KIAA1217: variants seen among roughly 807,000 people sequenced by gnomAD.
KIAA1217 encodes sickle tail protein homolog.
A neutral mutation model predicts 163.9 loss-of-function variants in KIAA1217; 88 were observed. That is an observed-to-expected ratio of 0.54 (90% confidence interval 0.45 to 0.64). KIAA1217 has a LOEUF of 0.64. Among genes scored for constraint, KIAA1217 ranks in the 30% least tolerant of loss-of-function variants. The pLI, the probability that KIAA1217 is intolerant of heterozygous loss-of-function variation, is 0.00. For missense variants in KIAA1217, 2,372 were observed against 2,475.0 expected, an observed-to-expected ratio of 0.96 and a Z score of 0.88; for synonymous variants, 903 against 923.1, an observed-to-expected ratio of 0.98 and a Z score of 0.39.
At chr10:23,898,547 G>T (rs1841808839) in intron 1 of KIAA1217, among the ~76,000 whole-genome samples, 1 of 151,886 alleles carries the variant, frequency 6.6e-6, no homozygotes, top group South Asian at 2.1e-4. Context: ...ATTATACTTT[G>T]TGTATTCTTC....
intron 1 of KIAA1217, among the ~76,000 whole-genome samples, chr10:23,938,032 G>A (rs1228376940): frequency 1.3e-5 from 2 of 152,174 alleles, no homozygotes; most frequent in African/African-American, 4.8e-5. Context: ...AGTAAAGAAA[G>A]AAGTGAATAC....
chr10:23,827,490 A>T (rs1274236290), intron 1 of KIAA1217, among the ~76,000 whole-genome samples: 1 of 152,178 alleles, frequency 6.6e-6, no homozygotes. Context: ...ATAGATGAAT[A>T]CCCATTCTTA....
intron 3 of KIAA1217, among the ~76,000 whole-genome samples, chr10:24,387,641 AT>A (rs1218139119): frequency 6.6e-6 from 1 of 152,240 alleles, no homozygotes; most frequent in Non-Finnish European, 1.5e-5. Flanking sequence ...ACATGACTGT[AT>A]ATTTAAAAAC....
intron 10 of KIAA1217, among the ~76,000 whole-genome samples, chr10:24,517,270 T>C (rs2070344555): frequency 6.6e-6 from 1 of 152,036 alleles, no homozygotes; most frequent in African/African-American, 2.4e-5. Context: ...GTAGGTTAAC[T>C]GATTGGATGG....
chr10:24,097,549 G>C (rs2062211958), intron 2 of KIAA1217, among the ~76,000 whole-genome samples: 1 of 151,752 alleles, frequency 6.6e-6, no homozygotes, highest in Non-Finnish European at 1.5e-5. Flanking sequence ...TCTCTAGAAA[G>C]AAAAAGAGAG....
intron 2 of KIAA1217, among the ~76,000 whole-genome samples, chr10:24,027,070 C>T (rs1308156388): frequency 2.0e-5 from 3 of 151,788 alleles, no homozygotes; most frequent in Admixed American, 6.6e-5. Flanking sequence ...TAAAAAATAT[C>T]TTTCTGTTAC....
At chr10:24,198,281 T>C (rs1267436570) in intron 2 of KIAA1217, among the ~76,000 whole-genome samples, 1 of 152,216 alleles carries the variant, frequency 6.6e-6, no homozygotes, top group Non-Finnish European at 1.5e-5. Flanking sequence ...AGGATTTCAT[T>C]AATCGGATTC....
intron 2 of KIAA1217, among the ~76,000 whole-genome samples, chr10:24,264,020 G>A (rs1223952898): frequency 6.6e-6 from 1 of 152,034 alleles, no homozygotes; most frequent in Non-Finnish European, 1.5e-5. Context: ...ACCACACCAA[G>A]CTATTTTTTG....
chr10:23,872,455 GA>G, intron 1 of KIAA1217, among the ~76,000 whole-genome samples: 3 of 152,066 alleles, frequency 2.0e-5, no homozygotes, highest in Non-Finnish European at 4.4e-5. Context: ...GCATCTTGAG[GA>G]CCCCCTGCCT....
At position 24,120,484 on chromosome 10, in the gene KIAA1217, A is replaced by G. The variant is rs532491610; in HGVS notation, c.-170-99142A>G. ...TGCTTAAGAATTCGTGCTTCTTGCT[A>G]TGGGGCATAATGTTGCCCCTATAGC... On this transcript the variant is annotated intron_variant, in intron 2 of 18. Transcript: ENST00000376462. 1.1e-4 allele frequency among the ~76,000 whole-genome samples: 17 copies of G among 152,306 alleles called. No individual in the cohort carries two copies. In the South Asian group the frequency reaches 3.1e-3, roughly 28 times the overall value.
In KIAA1217 at chr10:23,906,125, G is replaced by A. The variant is rs542729114; in HGVS notation, c.-320-101100G>A. Among the ~76,000 whole-genome samples, 3 of 152,130 alleles carry A rather than the reference G, an allele frequency of 2.0e-5. No individual in the cohort carries two copies. The South Asian group carries it at 6.2e-4, about 32-fold the overall frequency. ...TTAATAAAAGATTAATCATATCCAT[G>A]AGGGCAGAGCCTTATGGGCTAATCA... On this transcript the variant is annotated intron_variant, in intron 1 of 18. Transcript: ENST00000376462.
At chr10:24,106,671 C>A (rs146240109) in intron 2 of KIAA1217, among the ~76,000 whole-genome samples, 1 of 152,166 alleles carries the variant, frequency 6.6e-6, no homozygotes, top group East Asian at 1.9e-4. Context: ...CATTGAGTAT[C>A]CCAGCTTATC....
At chr10:24,340,303 G>A (rs1449887011) in intron 2 of KIAA1217, among the ~76,000 whole-genome samples, 1 of 152,072 alleles carries the variant, frequency 6.6e-6, no homozygotes, top group Non-Finnish European at 1.5e-5. Context: ...TGAATCATGG[G>A]GGCAGCTTCT....
At chr10:24,029,776 G>A (rs890734234) in intron 2 of KIAA1217, among the ~76,000 whole-genome samples, 1 of 152,218 alleles carries the variant, frequency 6.6e-6, no homozygotes, top group Non-Finnish European at 1.5e-5. Context: ...ATGATGCGTA[G>A]AGTGGTTGTT....
At chr10:24,373,191 G>A (rs528244023) in intron 2 of KIAA1217, among the ~76,000 whole-genome samples, 1 of 152,176 alleles carries the variant, frequency 6.6e-6, no homozygotes, top group Admixed American at 6.5e-5. Context: ...CTCTAAGCAT[G>A]TCACACATCC....
intron 2 of KIAA1217, among the ~76,000 whole-genome samples, chr10:24,269,182 A>C (rs562687132): frequency 1.4e-4 from 21 of 148,272 alleles, no homozygotes; most frequent in African/African-American, 4.8e-4. Context: ...CACAATGTGC[A>C]CATGTACCCT....
In KIAA1217 at chr10:23,818,030, TATATATAC is replaced by T. The variant is rs1357536376; in HGVS notation, c.-321+122804_-321+122811del. On this transcript the variant is annotated intron_variant, in intron 1 of 18. Transcript: ENST00000376462. ...ATATACACACATATATATACACACA[TATATATAC>T]ATATATATACACATATATATACATA... 3.1e-4 allele frequency among the ~76,000 whole-genome samples: 39 copies of T among 126,500 alleles called. 1 individual carries two copies. Among genetic ancestry groups the T allele is most frequent in the African/African-American group, 1.3e-3 (38 of 29,766 alleles). The allele number at this position is 126,500 out of a possible 152,430, so 83.0% of individuals were successfully genotyped here. A position where few individuals can be genotyped will look rare whatever the true frequency, so the allele number is the denominator to read the frequency against.
chr10:24,130,948 T>C (rs1203745208), intron 2 of KIAA1217, among the ~76,000 whole-genome samples: 2 of 152,208 alleles, frequency 1.3e-5, no homozygotes, highest in Non-Finnish European at 2.9e-5. Context: ...ACTTAAAAGA[T>C]AAAAATTTAA....
Position 23,986,770 on chromosome 10 carries a change from G to A in KIAA1217, c.-320-20455G>A, listed in dbSNP as rs535743866. On this transcript the variant is annotated intron_variant, in intron 1 of 18. Coordinates refer to the KIAA1217 transcript ENST00000376462. Reference sequence around the variant, plus strand: ...AAGTCTTCCTTTGAAAATATCTACAGACTGTTGCCTACACACGTTGTGCAG... The same window carrying A: ...AAGTCTTCCTTTGAAAATATCTACAAACTGTTGCCTACACACGTTGTGCAG... 2.6e-5 allele frequency among the ~76,000 whole-genome samples: 4 copies of A among 152,284 alleles called. No individual in the cohort carries two copies. The East Asian group carries it at 7.7e-4, about 29-fold the overall frequency.
Sources: allele counts gnomAD v4.1 joint callset (sites outside exome capture counted in the v4.1 genomes callset), GRCh38; gene constraint gnomAD v4.1.1; transcripts MANE v1.5; gene names NCBI Gene and HGNC (gene_info 2026-07-23, HGNC 2026-07-21).